Variants in GAB1 observed in about 807,000 individuals in gnomAD.
GAB1 encodes GRB2 associated binding protein 1.
A neutral mutation model predicts 66.5 loss-of-function variants in GAB1; 19 were observed. The ratio of observed to expected loss-of-function variants is 0.29; its 90% CI spans 0.20 to 0.42. The LOEUF is 0.42. Among genes scored for constraint, GAB1 ranks in the 10% least tolerant of loss-of-function variants. The pLI is 1.00. For synonymous variants in GAB1, 294 were observed against 301.4 expected, an observed-to-expected ratio of 0.98 and a Z score of 0.25; for missense variants, 732 against 858.5, an observed-to-expected ratio of 0.85 and a Z score of 1.84.
At chr4:143,342,668 C>T (rs1728863027) in intron 1 of GAB1, among the ~76,000 whole-genome samples, 1 of 147,512 alleles carries the variant, frequency 6.8e-6, no homozygotes, top group Non-Finnish European at 1.5e-5. Flanking sequence ...ACTGATTCTC[C>T]TGCCTCAACC....
At chr4:143,375,079 C>T (rs3792655) in intron 1 of GAB1, among the ~76,000 whole-genome samples, 49,220 of 151,994 alleles carry the variant, frequency 0.32, 8,195 homozygotes, top group South Asian at 0.49. Context: ...TCCTGAATAG[C>T]TGGAATTATA....
intron 2 of GAB1, 90 bp from the exon 3 acceptor site, chr4:143,433,401 G>C: frequency 2.4e-6 from 2 of 832,460 alleles, no homozygotes; most frequent in Non-Finnish European, 4.1e-6. Flanking sequence ...CTGTTTTTGT[G>C]TGTTGAAACA....
intron 8 of GAB1, among the ~76,000 whole-genome samples, chr4:143,464,144 A>G (rs1404190685): frequency 6.6e-6 from 1 of 152,208 alleles, no homozygotes; most frequent in Non-Finnish European, 1.5e-5. Flanking sequence ...TTCTCCATGA[A>G]TTAGAAAGAA....
intron 1 of GAB1, among the ~76,000 whole-genome samples, chr4:143,376,116 C>A (rs1319278555): frequency 6.6e-6 from 1 of 151,772 alleles, no homozygotes; most frequent in Admixed American, 6.6e-5. Flanking sequence ...CCTCCCCAAC[C>A]CCCTACACCA....
At chr4:143,353,684 AAG>A (rs965503718) in intron 1 of GAB1, among the ~76,000 whole-genome samples, 5 of 151,890 alleles carry the variant, frequency 3.3e-5, no homozygotes, top group East Asian at 3.8e-4. Flanking sequence ...AAAAAAAAAA[AAG>A]AGAGAGAGAA....
rs1037417413 is a variant in GAB1, at chr4:143,438,622, C to T, written c.1195+22C>T. On this transcript the variant is annotated intron_variant, in intron 4 of 9. Transcript: ENST00000262994. Reference sequence around the variant, plus strand: ...AAAGGTCAGCTCTAGTTGACTTCTTCTCTATTAGAGGTTAATGATAGAAAA... The same window carrying T: ...AAAGGTCAGCTCTAGTTGACTTCTTTTCTATTAGAGGTTAATGATAGAAAA... 5 of 1,603,118 alleles carry T rather than the reference C, an allele frequency of 3.1e-6. No homozygotes were observed. The Admixed American group carries it at 6.8e-5, about 22-fold the overall frequency.
At chr4:143,349,766 C>T (rs751770049) in intron 1 of GAB1, 149 of 1,590,510 alleles carry the variant, frequency 9.4e-5, no homozygotes, top group Middle Eastern at 1.9e-4. Flanking sequence ...TTGTAGTCCC[C>T]GATAGCAACG....
intron 1 of GAB1, among the ~76,000 whole-genome samples, chr4:143,364,868 CTTTTTT>C (rs745401852): frequency 0.032 from 2,796 of 86,622 alleles, 31 homozygotes; most frequent in South Asian, 0.049. Flanking sequence ...CCTGCATCTA[CTTTTTT>C]TTTTTTTTTT....
At chr4:143,390,780 T>G (rs1328412873) in intron 1 of GAB1, among the ~76,000 whole-genome samples, 1 of 152,200 alleles carries the variant, frequency 6.6e-6, no homozygotes, top group Non-Finnish European at 1.5e-5. Flanking sequence ...TCATGTTCTT[T>G]GCAGAAATTC....
chr4:143,350,106 G>C, intron 1 of GAB1: 1 of 1,225,060 alleles, frequency 8.2e-7, no homozygotes, highest in East Asian at 2.5e-5. Flanking sequence ...CTGCACCGGC[G>C]TCATCCGCCA....
At chr4:143,406,243 G>C (rs759031947) in intron 1 of GAB1, among the ~76,000 whole-genome samples, 1 of 152,064 alleles carries the variant, frequency 6.6e-6, no homozygotes, top group Non-Finnish European at 1.5e-5. Context: ...TGGTGCCTAG[G>C]TATTTAGCCA....
intron 2 of GAB1, among the ~76,000 whole-genome samples, chr4:143,431,007 A>T (rs528279881): frequency 6.6e-6 from 1 of 152,324 alleles, no homozygotes; most frequent in Admixed American, 6.5e-5. Flanking sequence ...ACTAAAAGGT[A>T]CCACACAGCT....
chr4:143,382,811 C>T (rs995292252), intron 1 of GAB1, among the ~76,000 whole-genome samples: 6 of 151,972 alleles, frequency 3.9e-5, no homozygotes, highest in Non-Finnish European at 8.8e-5. Context: ...TACGTGGCCT[C>T]AGACCCTGTT....
intron 6 of GAB1, among the ~76,000 whole-genome samples, chr4:143,453,544 C>A (rs1055569998): frequency 7.9e-5 from 12 of 152,284 alleles, no homozygotes; most frequent in African/African-American, 2.6e-4. Context: ...TATGTTTTCA[C>A]TGTAACCAAC....
Position 143,453,656 on chromosome 4 carries a change from A to G in GAB1, c.1586-5729A>G, listed in dbSNP as rs552219552. Among the ~76,000 whole-genome samples, 6 of 152,324 alleles carry G rather than the reference A, an allele frequency of 3.9e-5. No individual in the cohort carries two copies. In the East Asian group the frequency reaches 9.6e-4, roughly 24 times the overall value. ...AAATTTAGTTGAGAGAACTTACTGTATACAAAAGCAACGCAATACAAATAC... is the reference window on the plus strand; with the variant it reads ...AAATTTAGTTGAGAGAACTTACTGTGTACAAAAGCAACGCAATACAAATAC... On this transcript the variant is annotated intron_variant, in intron 6 of 9. Coordinates refer to ENST00000262994, the MANE Select transcript of GAB1 (RefSeq NM_002039.4).
chr4:143,421,743 C>T (rs1733040291), intron 2 of GAB1, among the ~76,000 whole-genome samples: 1 of 119,424 alleles, frequency 8.4e-6, no homozygotes, highest in African/African-American at 3.1e-5. Flanking sequence ...CTCCTGAGAT[C>T]TTGATTTATT....
chr4:143,415,433 T>C (rs200249494), intron 1 of GAB1, 44 bp from the exon 2 acceptor site: 50 of 1,417,616 alleles, frequency 3.5e-5, no homozygotes, highest in Non-Finnish European at 4.6e-5. Flanking sequence ...TTGAAAACAT[T>C]ATCTCAAGTT....
chr4:143,339,718 G>T (rs906539429), intron 1 of GAB1, among the ~76,000 whole-genome samples: 1 of 152,152 alleles, frequency 6.6e-6, no homozygotes, highest in Non-Finnish European at 1.5e-5. Context: ...GTGCAAAGTG[G>T]TATATGACTG....
chr4:143,338,710 G>GC (rs1308758028), intron 1 of GAB1, among the ~76,000 whole-genome samples: 13 of 59,784 alleles, frequency 2.2e-4, no homozygotes, highest in African/African-American at 1.1e-3. Context: ...GAGAAAGGTA[G>GC]GGGTGTGTGT....
Sources: gnomAD v4.1 joint callset for allele counts (sites outside exome capture counted in the v4.1 genomes callset) on GRCh38, gnomAD v4.1.1 for gene constraint, MANE v1.5 for transcripts, NCBI Gene and HGNC (gene_info 2026-07-23, HGNC 2026-07-21) for gene names.